The following ARHGEF25 variants were observed in gnomAD, a reference collection of about 807,000 sequenced individuals.
The protein encoded by ARHGEF25 is RAC/CDC42 exchange factor.
In ARHGEF25, 42 loss-of-function variants were observed where a neutral mutation model predicts 74.0. The observed-to-expected ratio is 0.57, with a 90% confidence interval of 0.44 to 0.73. ARHGEF25 has a LOEUF of 0.73. Ranked by LOEUF, ARHGEF25 falls within the 30% of genes least tolerant of loss-of-function variation. ARHGEF25 has a pLI of 0.00. For synonymous variants in ARHGEF25, 293 were observed against 278.6 expected, an observed-to-expected ratio of 1.05 and a Z score of -0.51; for missense variants, 645 against 725.5, an observed-to-expected ratio of 0.89 and a Z score of 1.27.
chr12:57,615,577 T>C lies in ARHGEF25; in HGVS notation c.1104T>C (p.Ala368=), dbSNP rs1884246395. The change falls in exon 12 of 15, where the codon GCT becomes GCC. Residue 368 remains alanine (A), a synonymous_variant. Coordinates refer to ENST00000286494, the MANE Select transcript of ARHGEF25 (RefSeq NM_182947.4). ...CTTTCTGGGTCACCGAGCCTGAGGC[T>C]GGAGGGCTGCTGTCTTCCCGAGGTC... is the stretch of plus-strand genomic sequence containing the variant. ...QDTFWVTEPE[A]GGLLSSRGRE... 4.3e-6 allele frequency: 7 copies of C among 1,614,104 alleles called. No individual in the cohort carries two copies. The South Asian group carries it at 6.6e-5, about 15-fold the overall frequency.
At chr12:57,612,854 C>G in intron 1 of ARHGEF25, 76 bp from the exon 2 acceptor site, 1 of 1,554,186 alleles carries the variant, frequency 6.4e-7, no homozygotes, top group East Asian at 2.3e-5. Flanking sequence ...AAGAGAAGAC[C>G]CTGGGAGTTC....
chr12:57,610,122 C>T (rs993512206), upstream of ARHGEF25: 3 of 652,328 alleles, frequency 4.6e-6, no homozygotes, highest in Non-Finnish European at 7.7e-6. Flanking sequence ...GGGCGGATTC[C>T]GCAGCAGCAA....
chr12:57,611,789 GGTAGGAGGGA>G lies in ARHGEF25; in HGVS notation c.-104_-95del. The G allele has an allele frequency of 8.7e-7, 1 of 1,143,760 alleles. No individual in the cohort carries two copies. Among genetic ancestry groups the G allele is most frequent in the Non-Finnish European group, 1.1e-6 (1 of 912,244 alleles). The allele number at this position is 1,143,760 out of a possible 1,614,324, so 70.9% of individuals were successfully genotyped here. A position where few individuals can be genotyped will look rare whatever the true frequency, so the allele number is the denominator to read the frequency against. ...CCCCCCCTCCCACAGCCTGGACCGG[GGTAGGAGGGA>G]GGGGGGGTGTGCGCCCGGCGCCGTC... is the stretch of plus-strand genomic sequence containing the variant. On this transcript the variant is annotated 5_prime_UTR_variant, in exon 1 of 15. Coordinates refer to ENST00000286494, the MANE Select transcript of ARHGEF25 (RefSeq NM_182947.4). The surrounding 1 kb of genome is among the most constrained non-coding windows in gnomAD (Gnocchi z 4.5).
At chr12:57,613,645 G>A in intron 4 of ARHGEF25, 49 bp from the exon 5 acceptor site, 3 of 1,612,270 alleles carry the variant, frequency 1.9e-6, no homozygotes, top group African/African-American at 1.3e-5. Context: ...GCTGAACCAA[G>A]GATGAGCTCC....
upstream of ARHGEF25, chr12:57,610,345 G>C (rs779359268): frequency 2.2e-6 from 3 of 1,394,086 alleles, no homozygotes; most frequent in Non-Finnish European, 2.9e-6. Context: ...GTGGGGTCGG[G>C]GGTCTTTCGG....
At chr12:57,610,586 C>T (rs765530080), upstream of ARHGEF25, 9 of 1,612,230 alleles carry the variant, frequency 5.6e-6, no homozygotes, top group African/African-American at 2.7e-5. Flanking sequence ...AGGAGAAGCC[C>T]TCTAGGGTTG....
At chr12:57,612,646 GC>G in intron 1 of ARHGEF25, 1 of 1,187,616 alleles carries the variant, frequency 8.4e-7, no homozygotes, top group Non-Finnish European at 1.1e-6. Flanking sequence ...CCAGATGGCT[GC>G]CCCCACCCCC....
At chr12:57,616,208 T>C in intron 13 of ARHGEF25, 76 bp from the exon 14 acceptor site, 1 of 1,495,690 alleles carries the variant, frequency 6.7e-7, no homozygotes, top group Non-Finnish European at 9.0e-7. Context: ...GAGGGCAAAG[T>C]GGGAGAATGA....
Position 57,613,719 on chromosome 12 carries a change from A to G in ARHGEF25, c.511A>G (p.Thr171Ala), listed in dbSNP as rs1333168249. The G allele has an allele frequency of 6.2e-7, 1 of 1,614,032 alleles. No homozygotes were observed. The highest frequency in any genetic ancestry group is 8.5e-7 in the Non-Finnish European group (1 of 1,180,012). ...SMYVLSELVE[T>A]EKMYVDDLGQ... ...GTATGTCCTGAGTGAACTGGTAGAA[A>G]CAGAGAAAATGTACGTGGACGACTT... Residue 171 changes from threonine to alanine, a missense_variant, in exon 5 of 15, where the codon ACA (threonine) becomes GCA (alanine). Coordinates refer to ENST00000286494, the MANE Select transcript of ARHGEF25 (RefSeq NM_182947.4).
Position 57,611,898 on chromosome 12 carries a change from C to T in ARHGEF25, c.4C>T (p.Arg2Trp), listed in dbSNP as rs1594958073. 1 of 1,235,278 alleles carries T rather than the reference C, an allele frequency of 8.1e-7. No homozygotes were observed. Among genetic ancestry groups the T allele is most frequent in the South Asian group, 3.6e-5 (1 of 27,882 alleles). The allele number at this position is 1,235,278 out of a possible 1,614,324, so 76.5% of individuals were successfully genotyped here. A position where few individuals can be genotyped will look rare whatever the true frequency, so the allele number is the denominator to read the frequency against. M[R>W]GGHKGGRCAC... is the part of the protein sequence containing the mutation. ...GGCGCGGGGGGGCCCGGGCGCCATGCGGGGGGGGCACAAAGGGGGTCGCTG... is the reference window on the plus strand; with the variant it reads ...GGCGCGGGGGGGCCCGGGCGCCATGTGGGGGGGGCACAAAGGGGGTCGCTG... Residue 2 changes from arginine to tryptophan, a missense_variant, in exon 1 of 15, where the codon CGG becomes TGG. Physicochemically the swap from Arg to Trp is moderately radical, Grantham distance 101. Coordinates refer to ENST00000286494, the MANE Select transcript of ARHGEF25 (RefSeq NM_182947.4). The surrounding 1 kb of genome is among the most constrained non-coding windows in gnomAD (Gnocchi z 4.5).
Position 57,611,868 on chromosome 12 carries a change from T to TG in ARHGEF25, c.-21dup. The TG allele has an allele frequency of 9.3e-7, 1 of 1,072,832 alleles. No individual in the cohort carries two copies. The allele number at this position is 1,072,832 out of a possible 1,614,324, so 66.5% of individuals were successfully genotyped here. On this transcript the variant is annotated 5_prime_UTR_variant, in exon 1 of 15. Coordinates refer to ENST00000286494, the MANE Select transcript of ARHGEF25 (RefSeq NM_182947.4). This position sits in a 1 kb window ranked among gnomAD's most constrained non-coding sequence, Gnocchi z 4.5. ...ATTCCCCCTGCATGGCCGGCCCGGG[T>TG]GGGGGGCGCGGGGGGGCCCGGGCGC...
Position 57,616,416 on chromosome 12 carries a change from C to A in ARHGEF25, c.1553C>A (p.Pro518His), listed in dbSNP as rs1283058037. 1.9e-6 allele frequency: 3 copies of A among 1,614,040 alleles called. No individual in the cohort carries two copies. Among genetic ancestry groups the A allele is most frequent in the Non-Finnish European group, 2.5e-6 (3 of 1,180,032 alleles). Reference sequence around the variant, plus strand: ...CAGGCCCAGGGCAGCACACACACACCCATCAATGGCTCTCTCCCCTCTCTG... The same window carrying A: ...CAGGCCCAGGGCAGCACACACACACACATCAATGGCTCTCTCCCCTCTCTG... Reference protein sequence around the residue: ...GDQAQGSTHTPINGSLPSLLL... With the variant: ...GDQAQGSTHTHINGSLPSLLL... The change falls in exon 14 of 15, where the codon CCC becomes CAC. Residue 518 changes from proline (P) to histidine (H), a missense_variant. Around this residue, in one of 3 missense-constraint regions of ARHGEF25, gnomAD observed 262 missense variants for 256.9 expected, o/e 1.02. Coordinates refer to ENST00000286494, the MANE Select transcript of ARHGEF25 (RefSeq NM_182947.4).
In ARHGEF25 at chr12:57,615,672, G is replaced by A; in HGVS notation, c.1199G>A (p.Gly400Asp). Residue 400 changes from glycine to aspartate, a missense_variant, in exon 12 of 15, where the codon GGT becomes GAT. Physicochemically the swap from Gly to Asp is moderately conservative, Grantham distance 94 (BLOSUM62 -1). This residue lies in a region of ARHGEF25 where 262 missense variants were observed against 256.9 expected (regional missense o/e 1.02). Transcript: ENST00000286494. ...FSEALGGGVR[G>D]GTQPGYVYKN... is the part of the protein sequence containing the mutation. ...GAAGCCCTGGGAGGAGGAGTGAGAG[G>A]TGGAACACAGCCTGGATATGTATAC... 6.2e-7 allele frequency: 1 copy of A among 1,614,150 alleles called. No individual in the cohort carries two copies. The highest frequency in any genetic ancestry group is 8.5e-7 in the Non-Finnish European group (1 of 1,180,026).
Position 57,614,843 on chromosome 12 carries a change from C to T in ARHGEF25, c.909+62C>T. The T allele has an allele frequency of 6.4e-7, 1 of 1,573,212 alleles. No individual in the cohort carries two copies. Among genetic ancestry groups the T allele is most frequent in the Non-Finnish European group, 8.6e-7 (1 of 1,156,446 alleles). On this transcript the variant is annotated intron_variant, in intron 9 of 14. Coordinates refer to ENST00000286494, the MANE Select transcript of ARHGEF25 (RefSeq NM_182947.4). The surrounding 1 kb of genome is among the most constrained non-coding windows in gnomAD (Gnocchi z 4.6). ...GGCACAGCTGTTTCCTCATTCATCT[C>T]CCCAGGGTTCTTAGGGCTCCCCCAG...
In ARHGEF25 at chr12:57,617,032, C is replaced by T; in HGVS notation, c.*138C>T. On this transcript the variant is annotated 3_prime_UTR_variant, in exon 15 of 15. Coordinates refer to ENST00000286494, the MANE Select transcript of ARHGEF25 (RefSeq NM_182947.4). Reference sequence around the variant, plus strand: ...TGGGCAAGGCTGGGAGGGATATCAACTTGGAGGAGAACACCTAGACCCAAG... The same window carrying T: ...TGGGCAAGGCTGGGAGGGATATCAATTTGGAGGAGAACACCTAGACCCAAG... 3.3e-6 allele frequency: 2 copies of T among 613,386 alleles called. No individual in the cohort carries two copies. The highest frequency in any genetic ancestry group is 5.6e-6 in the Non-Finnish European group (2 of 355,938). 38.0% of individuals were successfully genotyped at this position (613,386 alleles called of 1,614,324 possible). A position where few individuals can be genotyped will look rare whatever the true frequency, so the allele number is the denominator to read the frequency against.
Position 57,616,937 on chromosome 12 carries a change from C to T in ARHGEF25, c.*43C>T, listed in dbSNP as rs1247829282. 1 of 1,476,086 alleles carries T rather than the reference C, an allele frequency of 6.8e-7. No homozygotes were observed. The highest frequency in any genetic ancestry group is 1.7e-5 in the Admixed American group (1 of 59,540). 91.4% of individuals were successfully genotyped at this position (1,476,086 alleles called of 1,614,324 possible). On this transcript the variant is annotated 3_prime_UTR_variant, in exon 15 of 15. Transcript: ENST00000286494. ...GGTGGTGCTGACTCAGCCGCCTATT[C>T]CCCAAGGAGCTTCAGGGCAGTCCTT... is the stretch of plus-strand genomic sequence containing the variant.
rs889721370 is a variant in ARHGEF25, at chr12:57,611,472, A to G, written c.-423A>G. The G allele has an allele frequency of 1.0e-6, 1 of 985,192 alleles. No individual in the cohort carries two copies. Among genetic ancestry groups the G allele is most frequent in the Middle Eastern group, 5.2e-4 (1 of 1,918 alleles). The allele number at this position is 985,192 out of a possible 1,614,324, so 61.0% of individuals were successfully genotyped here. On this transcript the variant is annotated 5_prime_UTR_variant, in exon 1 of 15. Transcript: ENST00000286494. The surrounding 1 kb of genome is among the most constrained non-coding windows in gnomAD (Gnocchi z 4.5). ...GCTCCGCTGGGACCCGCACAGCGCC[A>G]GTGGCTCGGGGGTCGGCCCTCGCCT...
intron 13 of ARHGEF25, 35 bp from the exon 14 acceptor site, chr12:57,616,249 C>T (rs371265019): frequency 3.2e-5 from 50 of 1,584,578 alleles, no homozygotes; most frequent in Middle Eastern, 2.2e-4. Context: ...CCTGTCTCTG[C>T]GGTAACCCTC....
At position 57,612,616 on chromosome 12, in the gene ARHGEF25, C is replaced by G. The variant is rs1428967368; in HGVS notation, c.98-314C>G. On this transcript the variant is annotated intron_variant, in intron 1 of 14. Coordinates refer to ENST00000286494, the MANE Select transcript of ARHGEF25 (RefSeq NM_182947.4). ...GGGTTGTAGGAGAGCAGATGGCCAC[C>G]CCCAGCTTCCAATGTCTGCCCAGAT... 4.5e-6 allele frequency: 4 copies of G among 893,830 alleles called. No individual in the cohort carries two copies. The East Asian group carries it at 1.7e-4, about 39-fold the overall frequency. The allele number at this position is 893,830 out of a possible 1,614,324, so 55.4% of individuals were successfully genotyped here.
Sources: gnomAD v4.1 joint callset for allele counts on GRCh38, gnomAD v4.1.1 for gene constraint, gnomAD v4.1.1 regional missense constraint, Gnocchi (gnomAD v3.1) non-coding constraint, MANE v1.5 for transcripts, NCBI Gene and HGNC (gene_info 2026-07-23, HGNC 2026-07-21) for gene names.